Variants in EZH2 observed in about 807,000 individuals in gnomAD.
EZH2 encodes histone-lysine N-methyltransferase EZH2.
Under a neutral mutation model 98.4 loss-of-function variants are expected in EZH2, and 18 were observed. The ratio of observed to expected loss-of-function variants is 0.18; its 90% CI spans 0.13 to 0.27. The LOEUF (loss-of-function observed/expected upper bound fraction) is 0.27, where lower values mean the gene tolerates loss of function less well. EZH2 is among the 10% of genes least tolerant of loss of function. The pLI, the probability that EZH2 is intolerant of heterozygous loss-of-function variation, is 1.00. For synonymous variants in EZH2, 338 were observed against 312.3 expected (o/e 1.08, Z -0.87); for missense variants, 470 against 935.1 (o/e 0.50, Z 6.49).
At chr7:148,810,967 C>T (rs1045838980) in intron 16 of EZH2, among the ~76,000 whole-genome samples, 18 of 149,208 alleles carry the variant, frequency 1.2e-4, no homozygotes, top group African/African-American at 3.5e-4. Flanking sequence ...TATGATTTTT[C>T]GGTAACACTG....
chr7:148,867,480 T>C (rs1445310955), intron 1 of EZH2, among the ~76,000 whole-genome samples: 1 of 152,246 alleles, frequency 6.6e-6, no homozygotes, highest in Non-Finnish European at 1.5e-5. Context: ...AAACTGGTTT[T>C]CTGAGTCTCC....
At chr7:148,858,067 C>T (rs1373573121) in intron 1 of EZH2, among the ~76,000 whole-genome samples, 1 of 151,338 alleles carries the variant, frequency 6.6e-6, no homozygotes, top group African/African-American at 2.4e-5. Flanking sequence ...CCAAGGCAGG[C>T]AGATCACGAG....
intron 6 of EZH2, among the ~76,000 whole-genome samples, chr7:148,827,678 A>G (rs925328409): frequency 6.6e-6 from 1 of 152,150 alleles, no homozygotes; most frequent in Non-Finnish European, 1.5e-5. Flanking sequence ...AGAAATTGCT[A>G]TTTCACCCGC....
chr7:148,807,629 G>A lies in EZH2; in HGVS notation c.*17C>T, dbSNP rs1387932593. 1.3e-6 allele frequency: 2 copies of A among 1,587,192 alleles called. No homozygotes were observed. The highest frequency in any genetic ancestry group is 1.7e-6 in the Non-Finnish European group (2 of 1,164,544). ...TAAGGCAGCTGTTTCAGAGGAGGGG[G>A]GAGGAGGTAGCAGATGTCAAGGGAT... On this transcript the variant is annotated 3_prime_UTR_variant, in exon 20 of 20. Transcript: ENST00000320356.
intron 1 of EZH2, among the ~76,000 whole-genome samples, chr7:148,880,914 T>A (rs1048417553): frequency 6.6e-6 from 1 of 152,182 alleles, no homozygotes; most frequent in Non-Finnish European, 1.5e-5. Flanking sequence ...GTGATTACAA[T>A]ACAATTGAGT....
rs1280509798 is a variant in EZH2 at position 148,866,501 on chromosome 7, C to CGTATATACATATATATGT, written c.-8+17645_-8+17662dup. Among the ~76,000 whole-genome samples, 54 of 117,352 alleles carry CGTATATACATATATATGT rather than the reference C, an allele frequency of 4.6e-4. 1 individual carries two copies. The South Asian group carries it at 7.8e-3, about 17-fold the overall frequency. 77.0% of individuals were successfully genotyped at this position (117,352 alleles called of 152,430 possible). On this transcript the variant is annotated intron_variant, in intron 1 of 19. Coordinates refer to ENST00000320356, the MANE Select transcript of EZH2 (RefSeq NM_004456.5). The stretch of plus-strand genomic sequence containing the variant: ...CCCAAAACTGTGAAAAATATATATA[C>CGTATATACATATATATGT]GTATATACATATATATGTGTATATA...
chr7:148,815,350 AT>A (rs1342798511), intron 13 of EZH2, among the ~76,000 whole-genome samples, 155 bp downstream of exon 13: 1 of 152,212 alleles, frequency 6.6e-6, no homozygotes, highest in African/African-American at 2.4e-5. Flanking sequence ...TTGACTGGGG[AT>A]TCATCAGTAG....
At chr7:148,838,130 G>A (rs1426572293) in intron 3 of EZH2, among the ~76,000 whole-genome samples, 2 of 141,792 alleles carry the variant, frequency 1.4e-5, no homozygotes, top group Non-Finnish European at 3.0e-5. Context: ...GTGCAGTGGT[G>A]CAATCATGGC....
At chr7:148,877,599 A>G (rs1437508123) in intron 1 of EZH2, among the ~76,000 whole-genome samples, 1 of 152,190 alleles carries the variant, frequency 6.6e-6, no homozygotes, top group African/African-American at 2.4e-5. Flanking sequence ...CATCAAGAGG[A>G]TAACACCCCA....
intron 3 of EZH2, among the ~76,000 whole-genome samples, chr7:148,842,920 T>A (rs1436553288): frequency 6.6e-6 from 1 of 150,946 alleles, no homozygotes; most frequent in African/African-American, 2.4e-5. Context: ...TACAAAAAAA[T>A]TAGCCCGATG....
chr7:148,850,976 C>T (rs1361917595), intron 1 of EZH2, among the ~76,000 whole-genome samples: 1 of 152,012 alleles, frequency 6.6e-6, no homozygotes, highest in Non-Finnish European at 1.5e-5. Context: ...AATATCGTAA[C>T]ATTTTCAGAC....
intron 6 of EZH2, 67 bp downstream of exon 6, chr7:148,828,673 C>G (rs1403572092): frequency 2.0e-6 from 3 of 1,534,890 alleles, no homozygotes; most frequent in East Asian, 4.5e-5. Context: ...AGCCCTATTT[C>G]TACTCTTTCT....
At chr7:148,875,689 A>T (rs920299514) in intron 1 of EZH2, among the ~76,000 whole-genome samples, 2 of 152,240 alleles carry the variant, frequency 1.3e-5, no homozygotes, top group Admixed American at 6.5e-5. Flanking sequence ...TTTGGAAAAG[A>T]GTTTAACGGT....
intron 17 of EZH2, 39 bp downstream of exon 17, chr7:148,810,294 C>A: frequency 1.4e-6 from 2 of 1,480,398 alleles, no homozygotes; most frequent in Non-Finnish European, 1.9e-6. Context: ...CTGCCACATG[C>A]AACTCAGGAA....
At chr7:148,866,666 A>G (rs1458244266) in intron 1 of EZH2, among the ~76,000 whole-genome samples, 2 of 146,804 alleles carry the variant, frequency 1.4e-5, no homozygotes, top group African/African-American at 5.0e-5. Context: ...ACGTATATGC[A>G]TATATATGTA....
rs748860527 is a variant in EZH2, at chr7:148,818,083, G to A, written c.1034C>T (p.Ala345Val). The A allele has an allele frequency of 6.2e-7, 1 of 1,607,524 alleles. No individual in the cohort carries two copies. Among genetic ancestry groups the A allele is most frequent in the Admixed American group, 1.7e-5 (1 of 58,812 alleles). ...TTTTGGTGGGGTCTTTATCCGCTCA[G>A]CGGTGAGAGCAGCAGCAAACTCCTT... is the stretch of plus-strand genomic sequence containing the variant. The part of the protein sequence containing the change: ...GAKEFAAALT[A>V]ERIKTPPKRP... Residue 345 changes from alanine (A) to valine (V), a missense_variant, in exon 10 of 20, where the codon GCT (alanine) becomes GTT (valine). Around this residue, in one of 6 missense-constraint regions of EZH2, gnomAD observed 192 missense variants for 306.8 expected, o/e 0.63. Coordinates refer to ENST00000320356, the MANE Select transcript of EZH2 (RefSeq NM_004456.5).
intron 4 of EZH2, among the ~76,000 whole-genome samples, chr7:148,830,227 C>G (rs1808960951): frequency 6.6e-6 from 1 of 152,188 alleles, no homozygotes; most frequent in African/African-American, 2.4e-5. Flanking sequence ...CACTATGCTG[C>G]CCAGGCTGGT....
intron 17 of EZH2, among the ~76,000 whole-genome samples, chr7:148,809,679 C>CT (rs2129467851): frequency 6.7e-6 from 1 of 150,036 alleles, no homozygotes; most frequent in African/African-American, 2.5e-5. Flanking sequence ...AAAAAAAAAT[C>CT]TGACAAAATT....
chr7:148,810,123 CAG>C, intron 17 of EZH2: 1 of 441,542 alleles, frequency 2.3e-6, no homozygotes, highest in Non-Finnish European at 4.2e-6. Context: ...GCCGGGACTC[CAG>C]AGAGGCGGTT....
Sources: gnomAD v4.1 joint callset for allele counts (sites outside exome capture counted in the v4.1 genomes callset) on GRCh38, gnomAD v4.1.1 for gene constraint, gnomAD v4.1.1 regional missense constraint, MANE v1.5 for transcripts, NCBI Gene and HGNC (gene_info 2026-07-23, HGNC 2026-07-21) for gene names.